Variants in GTF3C1 observed in about 807,000 individuals in gnomAD.
The protein encoded by GTF3C1 is general transcription factor 3C polypeptide 1.
In GTF3C1, 57 loss-of-function variants were observed where a neutral mutation model predicts 226.7. That is an observed-to-expected ratio of 0.25 (90% CI 0.20 to 0.31). The LOEUF is 0.31. Among genes scored for constraint, GTF3C1 ranks in the 10% least tolerant of loss-of-function variants. The pLI, the probability that GTF3C1 is intolerant of heterozygous loss-of-function variation, is 1.00. For missense variants in GTF3C1, 2,217 were observed against 2,776.1 expected, an observed-to-expected ratio of 0.80 and a Z score of 4.53; for synonymous variants, 1,090 against 1,084.8, an observed-to-expected ratio of 1.00 and a Z score of -0.09.
chr16:27,482,926 G>C (rs898567451), intron 26 of GTF3C1, 118 bp downstream of exon 26: 7 of 810,098 alleles, frequency 8.6e-6, no homozygotes, highest in Admixed American at 6.5e-5. Context: ...AAGTGAGCAG[G>C]AAACAAAGTC....
chr16:27,500,943 A>C (rs2088396095), intron 12 of GTF3C1, among the ~76,000 whole-genome samples: 1 of 152,178 alleles, frequency 6.6e-6, no homozygotes, highest in Non-Finnish European at 1.5e-5. Context: ...CTGCTTCTTC[A>C]AGGCTGACCA....
intron 19 of GTF3C1, 125 bp from the exon 20 acceptor site, chr16:27,489,868 C>T (rs232067): frequency 0.14 from 124,178 of 876,602 alleles, 10,110 homozygotes; most frequent in African/African-American, 0.21. Context: ...CCGGCCACTG[C>T]GGGGGTCTGA....
intron 6 of GTF3C1, among the ~76,000 whole-genome samples, chr16:27,525,800 A>G (rs772814463): frequency 6.6e-6 from 1 of 152,222 alleles, no homozygotes; most frequent in Non-Finnish European, 1.5e-5. Flanking sequence ...GCTATAAGCA[A>G]TCTTTTCTTG....
intron 6 of GTF3C1, among the ~76,000 whole-genome samples, chr16:27,513,676 C>A (rs967894786): frequency 6.6e-5 from 10 of 152,140 alleles, no homozygotes; most frequent in Non-Finnish European, 1.2e-4. Context: ...TGATTTTACC[C>A]CAGCGAAAGC....
chr16:27,468,103 G>A (rs141614113), intron 32 of GTF3C1, among the ~76,000 whole-genome samples: 13 of 152,190 alleles, frequency 8.5e-5, no homozygotes, highest in African/African-American at 1.9e-4. Context: ...AGTCTTCAGC[G>A]GAGAAAGTAA....
intron 11 of GTF3C1, 106 bp downstream of exon 11, chr16:27,502,753 A>C: frequency 1.7e-6 from 2 of 1,152,614 alleles, no homozygotes; most frequent in Admixed American, 2.1e-5. Context: ...ACAGTGGGAC[A>C]GAGATTTGAA....
In GTF3C1 at chr16:27,528,653, C is replaced by T. The variant is rs762549382; in HGVS notation, c.918G>A (p.Val306=). The change falls in exon 6 of 37, where the codon GTG becomes GTA. Residue 306 remains valine (V), a synonymous_variant. Transcript: ENST00000356183. Reference sequence around the variant, plus strand: ...GGTGGATCTCTTGCAAGCGAAGAGACACCACCTTGGCTAGCCCGGCGTTCA... The same window carrying T: ...GGTGGATCTCTTGCAAGCGAAGAGATACCACCTTGGCTAGCCCGGCGTTCA... ...YMLNAGLAKV[V]SLRLQEIHPE... is the part of the protein sequence containing the mutation. 1.2e-6 allele frequency: 2 copies of T among 1,610,498 alleles called. No individual in the cohort carries two copies. Among genetic ancestry groups the T allele is most frequent in the South Asian group, 1.1e-5 (1 of 90,998 alleles).
chr16:27,486,167 G>T lies in GTF3C1; in HGVS notation c.3701-13C>A. 1 of 1,559,422 alleles carries T rather than the reference G, an allele frequency of 6.4e-7. No homozygotes were observed. The highest frequency in any genetic ancestry group is 8.8e-7 in the Non-Finnish European group (1 of 1,135,380). ...CCTGGGAACTCTCCTAAAAACACCA[G>T]AGGGAGAAGGCAGGAGACCTCTAAC... On this transcript the variant is annotated splice_polypyrimidine_tract_variant and intron_variant, in intron 23 of 36. Transcript: ENST00000356183.
Position 27,464,984 on chromosome 16 carries a change from C to A in GTF3C1, c.5356-148G>T. On this transcript the variant is annotated intron_variant, in intron 33 of 36. Coordinates refer to ENST00000356183, the MANE Select transcript of GTF3C1 (RefSeq NM_001520.4). ...ACGAGGCAGGCCTGGCTCCTAGCCC[C>A]GGGGCTGCCCCTTGCTAGCCCTGTG... 4.3e-6 allele frequency: 3 copies of A among 702,616 alleles called. No homozygotes were observed. In the South Asian group the frequency reaches 5.8e-5, roughly 14 times the overall value. The allele number at this position is 702,616 out of a possible 1,614,324, so 43.5% of individuals were successfully genotyped here.
intron 10 of GTF3C1, among the ~76,000 whole-genome samples, chr16:27,504,868 C>A (rs963780985): frequency 3.3e-5 from 5 of 152,166 alleles, no homozygotes; most frequent in African/African-American, 1.2e-4. Flanking sequence ...GAGGCAGAGG[C>A]TGCAGTGAGC....
intron 6 of GTF3C1, among the ~76,000 whole-genome samples, chr16:27,512,831 A>G (rs1221388216): frequency 1.3e-5 from 2 of 152,184 alleles, no homozygotes; most frequent in African/African-American, 4.8e-5. Context: ...GATGCTAGGG[A>G]ACCAGAGGGG....
At chr16:27,490,733 T>C (rs1196726037) in intron 19 of GTF3C1, among the ~76,000 whole-genome samples, 2 of 152,218 alleles carry the variant, frequency 1.3e-5, no homozygotes, top group African/African-American at 4.8e-5. Context: ...CAGCATTTAA[T>C]ATGCTGCTCA....
intron 32 of GTF3C1, among the ~76,000 whole-genome samples, chr16:27,467,619 C>T (rs906163948): frequency 6.6e-6 from 1 of 152,174 alleles, no homozygotes; most frequent in African/African-American, 2.4e-5. Context: ...CCTGTAATCC[C>T]AGCACTTTGG....
Position 27,538,442 on chromosome 16 carries a change from T to C in GTF3C1, c.432-86A>G, listed in dbSNP as rs190246504. 10 of 809,592 alleles carry C rather than the reference T, an allele frequency of 1.2e-5. No homozygotes were observed. In the African/African-American group the frequency reaches 1.7e-4, roughly 14 times the overall value. 50.2% of individuals were successfully genotyped at this position (809,592 alleles called of 1,614,324 possible). On this transcript the variant is annotated intron_variant, in intron 2 of 36. Transcript: ENST00000356183. Reference sequence around the variant, plus strand: ...TAAGAAAAAGAAATGTGCAGAATCCTCATTTCCTGCTTCTGCTAGGAGTTT... The same window carrying C: ...TAAGAAAAAGAAATGTGCAGAATCCCCATTTCCTGCTTCTGCTAGGAGTTT...
chr16:27,519,726 A>G (rs2088716093), intron 6 of GTF3C1, among the ~76,000 whole-genome samples: 1 of 152,208 alleles, frequency 6.6e-6, no homozygotes, highest in Admixed American at 6.5e-5. Flanking sequence ...CAAAAGAAAA[A>G]AGAGAGAGAG....
At position 27,462,233 on chromosome 16, in the gene GTF3C1, C is replaced by G; in HGVS notation, c.6117+61G>C. 8.3e-7 allele frequency: 1 copy of G among 1,210,066 alleles called. No individual in the cohort carries two copies. The highest frequency in any genetic ancestry group is 1.2e-6 in the Non-Finnish European group (1 of 858,198). 75.0% of individuals were successfully genotyped at this position (1,210,066 alleles called of 1,614,324 possible). On this transcript the variant is annotated intron_variant, in intron 36 of 36. Coordinates refer to ENST00000356183, the MANE Select transcript of GTF3C1 (RefSeq NM_001520.4). This position sits in a 1 kb window ranked among gnomAD's most constrained non-coding sequence, Gnocchi z 4.5. ...GTTGCCTGGGGCCTGAACATCACAGCCGGGCCACTGAGTGCACCCAGCCGC... is the reference window on the plus strand; with the variant it reads ...GTTGCCTGGGGCCTGAACATCACAGGCGGGCCACTGAGTGCACCCAGCCGC...
chr16:27,498,370 C>G (rs980246147), intron 13 of GTF3C1, among the ~76,000 whole-genome samples: 1 of 152,198 alleles, frequency 6.6e-6, no homozygotes, highest in Non-Finnish European at 1.5e-5. Context: ...GAGTGAGTGT[C>G]AGACATCAGA....
At chr16:27,538,497 T>G in intron 2 of GTF3C1, 141 bp from the exon 3 acceptor site, 1 of 558,612 alleles carries the variant, frequency 1.8e-6, no homozygotes, top group Non-Finnish European at 3.1e-6. Flanking sequence ...TTAAGCAAGT[T>G]TCAGTCTTAG....
At chr16:27,549,108 A>T (rs2089223907) in intron 1 of GTF3C1, among the ~76,000 whole-genome samples, 1 of 152,166 alleles carries the variant, frequency 6.6e-6, no homozygotes, top group Admixed American at 6.5e-5. Context: ...CAGTGAGCCA[A>T]GATCGCGCCA....
Sources: gnomAD v4.1 joint callset for allele counts (sites outside exome capture counted in the v4.1 genomes callset) on GRCh38, gnomAD v4.1.1 for gene constraint, Gnocchi (gnomAD v3.1) non-coding constraint, MANE v1.5 for transcripts, NCBI Gene and HGNC (gene_info 2026-07-23, HGNC 2026-07-21) for gene names.